AFF2: variants seen among roughly 807,000 people sequenced by gnomAD.
AFF2 encodes the protein AF4/FMR2 family member 2.
In AFF2, 14 loss-of-function variants were observed where a neutral mutation model predicts 76.9. The ratio of observed to expected loss-of-function variants is 0.18; its 90% CI spans 0.12 to 0.28. The LOEUF (loss-of-function observed/expected upper bound fraction) is 0.28, where lower values mean the gene tolerates loss of function less well. Among genes scored for constraint, AFF2 ranks in the 10% least tolerant of loss-of-function variants. AFF2 has a pLI of 1.00. For missense variants in AFF2, 868 were observed against 1,001.1 expected (o/e 0.87, Z 1.79); for synonymous variants, 398 against 366.7 (o/e 1.09, Z -0.98).
intron 15 of AFF2, among the ~76,000 whole-genome samples, chrX:148,971,715 T>C (rs1228839998): frequency 1.9e-5 from 2 of 106,616 alleles, no homozygotes; most frequent in African/African-American, 6.9e-5. Flanking sequence ...GACAGGCTTT[T>C]TCAATCCTAG....
At chrX:148,676,926 G>T (rs1266855807) in intron 3 of AFF2, among the ~76,000 whole-genome samples, 3 of 111,014 alleles carry the variant, frequency 2.7e-5, no homozygotes, top group Admixed American at 9.6e-5. Flanking sequence ...TATAATCATG[G>T]TAAATAATGT....
At chrX:148,773,744 A>AAGAAAGAG (rs1569555329) in intron 3 of AFF2, among the ~76,000 whole-genome samples, 2 of 87,093 alleles carry the variant, frequency 2.3e-5, no homozygotes, top group South Asian at 5.4e-4. Flanking sequence ...GAAAGAAAGA[A>AAGAAAGAG]AGAGAAAGAA....
chrX:148,867,604 T>A (rs1464601034), intron 7 of AFF2, among the ~76,000 whole-genome samples: 1 of 112,335 alleles, frequency 8.9e-6, no homozygotes, highest in Non-Finnish European at 1.9e-5. Context: ...CTAAGCAATA[T>A]TTTCTTTGAT....
At chrX:148,615,082 C>T (rs1174111383) in intron 1 of AFF2, among the ~76,000 whole-genome samples, 1 of 110,850 alleles carries the variant, frequency 9.0e-6, no homozygotes, top group Non-Finnish European at 1.9e-5. Flanking sequence ...GTCATCAATT[C>T]TTGAAGGTTT....
At chrX:148,823,878 A>G (rs2070355666) in intron 4 of AFF2, among the ~76,000 whole-genome samples, 1 of 111,928 alleles carries the variant, frequency 8.9e-6, no homozygotes, top group Non-Finnish European at 1.9e-5. Context: ...TTGTTGGGCA[A>G]TGCAGGGACC....
At chrX:148,711,647 T>C (rs1397615125) in intron 3 of AFF2, among the ~76,000 whole-genome samples, 1 of 112,302 alleles carries the variant, frequency 8.9e-6, no homozygotes, top group Admixed American at 9.5e-5. Flanking sequence ...GGAAAGTATA[T>C]TGGGGAACCT....
chrX:148,951,179 ACG>A (rs1258562810), intron 9 of AFF2, among the ~76,000 whole-genome samples: 15 of 11,684 alleles, frequency 1.3e-3, no homozygotes, highest in Non-Finnish European at 5.7e-3. Context: ...ACACACACAC[ACG>A]CACACACACA....
At chrX:148,629,407 T>C (rs1603263106) in intron 1 of AFF2, among the ~76,000 whole-genome samples, 1 of 112,436 alleles carries the variant, frequency 8.9e-6, no homozygotes, top group Admixed American at 9.4e-5. Flanking sequence ...ATTGCATCAT[T>C]AATCTGTTTC....
chrX:148,503,820 C>T (rs1216633925), intron 1 of AFF2, among the ~76,000 whole-genome samples: 2 of 111,827 alleles, frequency 1.8e-5, no homozygotes, highest in African/African-American at 6.5e-5. Flanking sequence ...GAACATACCA[C>T]TGGATTTCAC....
In AFF2 at chrX:148,955,371, G is replaced by A. The variant is rs1026222689; in HGVS notation, c.1558-232G>A. ...AGAGAATATTTTCAGAGAAGGAGTC[G>A]AAATGAGCTTAAATAAGTAGACTGC... On this transcript the variant is annotated intron_variant, in intron 10 of 20. Transcript: ENST00000370460. Among the ~76,000 whole-genome samples, 6 of 112,617 alleles carry A rather than the reference G, an allele frequency of 5.3e-5. No individual in the cohort carries two copies. The South Asian group carries it at 1.8e-3, about 35-fold the overall frequency.
intron 4 of AFF2, 44 bp downstream of exon 4, chrX:148,809,964 A>G: frequency 3.6e-6 from 4 of 1,122,558 alleles, no homozygotes; most frequent in Non-Finnish European, 4.9e-6. Context: ...TAATGAAGCA[A>G]TCTATCTGCT....
At chrX:148,841,591 C>T (rs1157613592) in intron 5 of AFF2, among the ~76,000 whole-genome samples, 1 of 111,844 alleles carries the variant, frequency 8.9e-6, no homozygotes, top group Non-Finnish European at 1.9e-5. Context: ...ATGCTTGCCT[C>T]TATATTAAAT....
At chrX:148,569,767 A>C (rs2023678) in intron 1 of AFF2, among the ~76,000 whole-genome samples, 30,172 of 110,318 alleles carry the variant, frequency 0.27, 3,154 homozygotes, top group Non-Finnish European at 0.31. Flanking sequence ...GTGAAACATA[A>C]TAGGGGCTCA....
At chrX:148,619,512 A>C (rs1013892574) in intron 1 of AFF2, among the ~76,000 whole-genome samples, 1 of 112,499 alleles carries the variant, frequency 8.9e-6, no homozygotes, top group Non-Finnish European at 1.9e-5. Context: ...AGATTGAGAA[A>C]AAGTGGGTTT....
intron 9 of AFF2, among the ~76,000 whole-genome samples, chrX:148,937,258 T>C (rs1358436541): frequency 8.9e-6 from 1 of 112,112 alleles, no homozygotes; most frequent in Non-Finnish European, 1.9e-5. Context: ...CTTCTAGCCC[T>C]AAACACAACT....
In AFF2 at chrX:148,584,295, GA is replaced by G. The variant is rs199573582; in HGVS notation, c.48-67695del. ...CAATAATGTATTGGTCTCTTTACAA[GA>G]AAAAAAAAGTCATTTTATTTTCTGT... On this transcript the variant is annotated intron_variant, in intron 1 of 20. Coordinates refer to ENST00000370460, the MANE Select transcript of AFF2 (RefSeq NM_002025.4). 9.1e-3 allele frequency among the ~76,000 whole-genome samples: 997 copies of G among 109,211 alleles called. 15 individuals carry two copies. The highest frequency in any genetic ancestry group is 0.03 in the African/African-American group (908 of 30,101). 94.8% of individuals were successfully genotyped at this position (109,211 alleles called of 115,157 possible).
intron 3 of AFF2, among the ~76,000 whole-genome samples, chrX:148,793,503 C>G (rs1279738663): frequency 1.8e-5 from 2 of 111,712 alleles, no homozygotes; most frequent in Non-Finnish European, 3.8e-5. Context: ...CTCTCCTCTC[C>G]TCCACCCCTG....
At chrX:148,583,945 G>A (rs1414579883) in intron 1 of AFF2, among the ~76,000 whole-genome samples, 3 of 112,260 alleles carry the variant, frequency 2.7e-5, no homozygotes, top group African/African-American at 9.7e-5. Context: ...AGGACATATA[G>A]TTTGAAGATT....
chrX:148,523,764 A>C (rs2124224284), intron 1 of AFF2, among the ~76,000 whole-genome samples: 1 of 112,259 alleles, frequency 8.9e-6, no homozygotes, highest in East Asian at 2.8e-4. Context: ...TTTCTCTTTC[A>C]TGTAGTTCAT....
Sources: allele counts gnomAD v4.1 joint callset (sites outside exome capture counted in the v4.1 genomes callset), GRCh38; gene constraint gnomAD v4.1.1; transcripts MANE v1.5; gene names NCBI Gene and HGNC (gene_info 2026-07-23, HGNC 2026-07-21).